TRUB2: variants seen among roughly 807,000 people sequenced by gnomAD.
The protein encoded by TRUB2 is TruB pseudouridine synthase family member 2.
A neutral mutation model predicts 31.9 loss-of-function variants in TRUB2; 31 were observed. The observed-to-expected ratio is 0.97, with a 90% confidence interval of 0.73 to 1.31. TRUB2 has a LOEUF of 1.31. TRUB2 is among the 50% of genes most tolerant of loss of function. The probability of loss-of-function intolerance (pLI) is 0.00; values close to 1 mark genes in which losing one functional copy is unlikely to be tolerated. For synonymous variants in TRUB2, 201 were observed against 182.6 expected, an observed-to-expected ratio of 1.10 and a Z score of -0.81; for missense variants, 451 against 439.6, an observed-to-expected ratio of 1.03 and a Z score of -0.23.
Position 128,305,242 on chromosome 9 carries a change from C to T in TRUB2, c.*4308G>A, listed in dbSNP as rs1364543049. 1.3e-5 allele frequency: 2 copies of T among 152,348 alleles called. No individual in the cohort carries two copies. Among genetic ancestry groups the T allele is most frequent in the Non-Finnish European group, 2.9e-5 (2 of 68,048 alleles). 9.4% of individuals were successfully genotyped at this position (152,348 alleles called of 1,614,324 possible). A position where few individuals can be genotyped will look rare whatever the true frequency, so the allele number is the denominator to read the frequency against. ...TCAGTAAACACAGTAAGCTGAGGTTCCACCCAGGCCCTTTGGCTGTGAAAG... is the reference window on the plus strand; with the variant it reads ...TCAGTAAACACAGTAAGCTGAGGTTTCACCCAGGCCCTTTGGCTGTGAAAG... On this transcript the variant is annotated 3_prime_UTR_variant, in exon 8 of 8. Transcript: ENST00000372890.
At chr9:128,310,851 C>T in intron 7 of TRUB2, 36 bp downstream of exon 7, 1 of 1,612,742 alleles carries the variant, frequency 6.2e-7, no homozygotes, top group Non-Finnish European at 8.5e-7. Context: ...ACCTACGGGT[C>T]CCATCTCACT....
Position 128,309,781 on chromosome 9 carries a change from C to G in TRUB2, c.765G>C (p.Val255=). ...ELKTTAVCTQ[V]RRTRDGFFTL... ...TGAAGAAGCCGTCGCGCGTGCGCCG[C>G]ACTTGGGTGCAGACAGCAGTGGTCT... The change falls in exon 8 of 8, where the codon GTG becomes GTC. Residue 255 remains valine (V), a synonymous_variant. Coordinates refer to ENST00000372890, the MANE Select transcript of TRUB2 (RefSeq NM_015679.3). 1 of 1,614,254 alleles carries G rather than the reference C, an allele frequency of 6.2e-7. No homozygotes were observed. The highest frequency in any genetic ancestry group is 8.5e-7 in the Non-Finnish European group (1 of 1,180,052).
intron 7 of TRUB2, 104 bp downstream of exon 7, chr9:128,310,783 G>T: frequency 2.0e-6 from 3 of 1,495,554 alleles, no homozygotes; most frequent in South Asian, 1.2e-5. Flanking sequence ...GCGTGTGCTG[G>T]CCTCAGCTGA....
At chr9:128,320,975 G>C (rs1442708295) in intron 2 of TRUB2, among the ~76,000 whole-genome samples, 1 of 152,096 alleles carries the variant, frequency 6.6e-6, no homozygotes, top group African/African-American at 2.4e-5. Flanking sequence ...TTTTAGTAGA[G>C]ACGGGGTTTC....
In TRUB2 at chr9:128,315,594, G is replaced by A. The variant is rs145727389; in HGVS notation, c.351C>T (p.Thr117=). 16 of 1,613,474 alleles carry A rather than the reference G, an allele frequency of 9.9e-6. No individual in the cohort carries two copies. The highest frequency in any genetic ancestry group is 5.3e-5 in the African/African-American group (4 of 74,832). ...LGVGHGCRLL[T]DMYNAHLTKD... is the part of the protein sequence containing the mutation. ...TGGTAAGATGAGCATTGTACATATC[G>A]GTGAGGAGCCTGCATCCATGTCCCA... The change falls in exon 4 of 8, where the codon ACC becomes ACT. Residue 117 remains threonine (T), a synonymous_variant. Coordinates refer to ENST00000372890, the MANE Select transcript of TRUB2 (RefSeq NM_015679.3).
chr9:128,321,753 T>A (rs1262095399), intron 1 of TRUB2, 23 bp from the exon 2 acceptor site: 1 of 1,606,402 alleles, frequency 6.2e-7, no homozygotes, highest in African/African-American at 1.3e-5. Context: ...AGATAATATA[T>A]ACACACATAC....
At chr9:128,314,913 CA>C (rs1212629140) in intron 4 of TRUB2, among the ~76,000 whole-genome samples, 4 of 152,048 alleles carry the variant, frequency 2.6e-5, no homozygotes, top group African/African-American at 7.3e-5. Flanking sequence ...AACTGAGGCA[CA>C]CAGATATTAA....
chr9:128,311,286 GC>G (rs1330645270), intron 6 of TRUB2: 1 of 622,952 alleles, frequency 1.6e-6, no homozygotes, highest in Non-Finnish European at 2.8e-6. Context: ...TGGTTTCCTT[GC>G]CATTAGATCA....
At chr9:128,312,580 A>G (rs1248878144) in intron 5 of TRUB2, among the ~76,000 whole-genome samples, 3 of 148,028 alleles carry the variant, frequency 2.0e-5, no homozygotes, top group Non-Finnish European at 4.5e-5. Flanking sequence ...ATAGGCGTGC[A>G]CTACCATGCC....
chr9:128,322,321 C>T lies in TRUB2; in HGVS notation c.88G>A (p.Val30Met), dbSNP rs748504572. ...TCACCCTTCAGAAGTTGTAGCTCCA[C>T]TGTATCCCGCAGGTGCTTCCATTTT... is the stretch of plus-strand genomic sequence containing the variant. Reference protein sequence around the residue: ...GLKWKHLRDTVELQLLKGLNA... With the variant: ...GLKWKHLRDTMELQLLKGLNA... Residue 30 changes from valine to methionine, a missense_variant, in exon 1 of 8, where the codon GTG becomes ATG. Val to Met is a conservative substitution (Grantham distance 21). Coordinates refer to ENST00000372890, the MANE Select transcript of TRUB2 (RefSeq NM_015679.3). The T allele has an allele frequency of 6.2e-7, 1 of 1,614,158 alleles. No homozygotes were observed. Among genetic ancestry groups the T allele is most frequent in the Non-Finnish European group, 8.5e-7 (1 of 1,180,006 alleles).
chr9:128,311,922 G>A (rs374529723), intron 5 of TRUB2, among the ~76,000 whole-genome samples: 2 of 139,968 alleles, frequency 1.4e-5, no homozygotes, highest in African/African-American at 5.4e-5. Context: ...TGCAAGCTCC[G>A]CCTCCCAGGT....
rs1279123295 is a variant in TRUB2, at chr9:128,321,707, C to T, written c.133G>A (p.Ala45Thr). Residue 45 changes from alanine (A) to threonine (T), a missense_variant, in exon 2 of 8, where the codon GCT (alanine) becomes ACT (threonine). Coordinates refer to ENST00000372890, the MANE Select transcript of TRUB2 (RefSeq NM_015679.3). ...LKGLNARKPP[A>T]PKQRVRFLLG... ...AAGAAGCGAACACGCTGTTTAGGAG[C>T]GGGAGGCTTCCTGGCATTGAGACCT... 8.1e-6 allele frequency: 13 copies of T among 1,613,512 alleles called. No homozygotes were observed. Among genetic ancestry groups the T allele is most frequent in the Non-Finnish European group, 1.1e-5 (13 of 1,180,026 alleles).
At chr9:128,310,079 G>A (rs544811454) in intron 7 of TRUB2, among the ~76,000 whole-genome samples, 8 of 152,114 alleles carry the variant, frequency 5.3e-5, no homozygotes, top group African/African-American at 1.9e-4. Context: ...AGGCCCCACC[G>A]GGACCTGCCA....
In TRUB2 at chr9:128,306,703, TG is replaced by T. The variant is rs1831872541; in HGVS notation, c.*2846del. The stretch of plus-strand genomic sequence containing the variant: ...CGCCCACCCTGGCCTCCCAAAGTGC[TG>T]GGATTACAGGCGTGAGCCACCGTGC... On this transcript the variant is annotated 3_prime_UTR_variant, in exon 8 of 8. Transcript: ENST00000372890. 6.6e-6 allele frequency: 1 copy of T among 150,534 alleles called. No homozygotes were observed. Among genetic ancestry groups the T allele is most frequent in the South Asian group, 2.1e-4 (1 of 4,696 alleles). 9.3% of individuals were successfully genotyped at this position (150,534 alleles called of 1,614,324 possible). A position where few individuals can be genotyped will look rare whatever the true frequency, so the allele number is the denominator to read the frequency against.
At chr9:128,315,435 C>G in intron 4 of TRUB2, 132 bp downstream of exon 4, 2 of 799,872 alleles carry the variant, frequency 2.5e-6, no homozygotes, top group Non-Finnish European at 4.1e-6. Context: ...CCCTGCACAG[C>G]ACACGATCAT....
At chr9:128,311,899 A>C (rs1344688443) in intron 5 of TRUB2, among the ~76,000 whole-genome samples, 1 of 142,344 alleles carries the variant, frequency 7.0e-6, no homozygotes, top group Non-Finnish European at 1.5e-5. Context: ...GCAGTGGCGC[A>C]ATCTTGGCTC....
At chr9:128,314,196 T>A (rs1832028707) in intron 4 of TRUB2, among the ~76,000 whole-genome samples, 1 of 152,306 alleles carries the variant, frequency 6.6e-6, no homozygotes, top group East Asian at 1.9e-4. Context: ...GCAGGCTTCC[T>A]ACAAGACTGC....
chr9:128,317,132 A>G lies in TRUB2; in HGVS notation c.316+20T>C. The G allele has an allele frequency of 6.4e-7, 1 of 1,561,714 alleles. No individual in the cohort carries two copies. The highest frequency in any genetic ancestry group is 1.2e-5 in the South Asian group (1 of 85,142). On this transcript the variant is annotated intron_variant, in intron 3 of 7. Coordinates refer to ENST00000372890, the MANE Select transcript of TRUB2 (RefSeq NM_015679.3). Reference sequence around the variant, plus strand: ...TCTCAAGCCTTATCACTGTACCCCCAGGCTTCTCACATCACCTACCAAGTA... The same window carrying G: ...TCTCAAGCCTTATCACTGTACCCCCGGGCTTCTCACATCACCTACCAAGTA...
At position 128,309,804 on chromosome 9, in the gene TRUB2, T is replaced by A. The variant is rs1476414396; in HGVS notation, c.742A>T (p.Thr248Ser). ...CGCACTTGGGTGCAGACAGCAGTGG[T>A]CTTTAGTTCCAGGCCGATTTCATGA... ...LVHEIGLELKTTAVCTQVRRT... is the reference protein window; with the variant it reads ...LVHEIGLELKSTAVCTQVRRT... Residue 248 changes from threonine (T) to serine (S), a missense_variant, in exon 8 of 8, where the codon ACC (threonine) becomes TCC (serine). Physicochemically the swap from Thr to Ser is moderately conservative, Grantham distance 58. Transcript: ENST00000372890. The A allele has an allele frequency of 6.2e-7, 1 of 1,614,194 alleles. No individual in the cohort carries two copies. Among genetic ancestry groups the A allele is most frequent in the Non-Finnish European group, 8.5e-7 (1 of 1,180,020 alleles).
Sources: gnomAD v4.1 joint callset for allele counts (sites outside exome capture counted in the v4.1 genomes callset) on GRCh38, gnomAD v4.1.1 for gene constraint, MANE v1.5 for transcripts, NCBI Gene and HGNC (gene_info 2026-07-23, HGNC 2026-07-21) for gene names.